PCDH9: variants seen among roughly 807,000 people sequenced by gnomAD.
PCDH9 encodes protocadherin 9.
A neutral mutation model predicts 70.6 loss-of-function variants in PCDH9; 24 were observed. That is an observed-to-expected ratio of 0.34 (90% CI 0.25 to 0.48). PCDH9 has a LOEUF of 0.48. PCDH9 is among the 20% of genes least tolerant of loss of function. The pLI, the probability that PCDH9 is intolerant of heterozygous loss-of-function variation, is 0.99. For synonymous variants in PCDH9, 562 were observed against 558.5 expected (o/e 1.01, Z -0.09); for missense variants, 1,281 against 1,503.6 (o/e 0.85, Z 2.45).
At chr13:66,494,998 G>T (rs1959090790) in intron 4 of PCDH9, among the ~76,000 whole-genome samples, 1 of 151,704 alleles carries the variant, frequency 6.6e-6, no homozygotes. Flanking sequence ...ACAGAGGAGA[G>T]GATGGAAGGA....
intron 4 of PCDH9, among the ~76,000 whole-genome samples, chr13:66,497,366 G>C (rs145063265): frequency 2.3e-3 from 347 of 152,052 alleles, no homozygotes; most frequent in African/African-American, 8.0e-3. Flanking sequence ...AAATATGTTA[G>C]ACTCATATCA....
intron 3 of PCDH9, among the ~76,000 whole-genome samples, chr13:66,843,709 C>G (rs145277792): frequency 2.0e-5 from 3 of 152,338 alleles, no homozygotes; most frequent in East Asian, 1.9e-4. Context: ...CTGGAGAAGA[C>G]TGCATGCTGA....
At chr13:66,318,419 T>C (rs1955693226) in intron 4 of PCDH9, among the ~76,000 whole-genome samples, 1 of 152,172 alleles carries the variant, frequency 6.6e-6, no homozygotes, top group Non-Finnish European at 1.5e-5. Context: ...GTTGCCATAT[T>C]TATCACAGAC....
chr13:66,406,578 T>C (rs1957284503), intron 4 of PCDH9, among the ~76,000 whole-genome samples: 1 of 152,184 alleles, frequency 6.6e-6, no homozygotes, highest in South Asian at 2.1e-4. Flanking sequence ...CTCAGAGAAT[T>C]TACTACACAT....
intron 3 of PCDH9, among the ~76,000 whole-genome samples, chr13:66,728,725 A>G (rs1455280183): frequency 6.6e-6 from 1 of 152,050 alleles, no homozygotes; most frequent in Non-Finnish European, 1.5e-5. Context: ...GTAGTAATCC[A>G]TTACTCTAAT....
At chr13:67,115,478 C>T (rs974992830) in intron 2 of PCDH9, among the ~76,000 whole-genome samples, 2 of 152,160 alleles carry the variant, frequency 1.3e-5, no homozygotes, top group Non-Finnish European at 2.9e-5. Flanking sequence ...TCAATGCAAT[C>T]CTTCTTTTGC....
intron 4 of PCDH9, among the ~76,000 whole-genome samples, chr13:66,391,395 A>G (rs1174640781): frequency 6.6e-6 from 1 of 152,222 alleles, no homozygotes; most frequent in Non-Finnish European, 1.5e-5. Flanking sequence ...GTTAAACTCT[A>G]CAAATGCTCT....
chr13:67,036,505 CA>C (rs2139897112), intron 2 of PCDH9, among the ~76,000 whole-genome samples: 1 of 152,274 alleles, frequency 6.6e-6, no homozygotes, highest in East Asian at 1.9e-4. Context: ...GCAACTGGAT[CA>C]AACTGCCATG....
At chr13:66,769,910 G>T (rs906959927) in intron 3 of PCDH9, among the ~76,000 whole-genome samples, 4 of 152,000 alleles carry the variant, frequency 2.6e-5, no homozygotes, top group African/African-American at 9.7e-5. Flanking sequence ...GCTCAGCAGG[G>T]GCAAGGCAGG....
chr13:66,401,366 C>A (rs1957184101), intron 4 of PCDH9, among the ~76,000 whole-genome samples: 1 of 151,900 alleles, frequency 6.6e-6, no homozygotes, highest in African/African-American at 2.4e-5. Context: ...TTTTTCCCCC[C>A]CTTTGCTCAT....
intron 2 of PCDH9, among the ~76,000 whole-genome samples, chr13:67,174,293 TGATAGATA>T (rs748357252): frequency 3.4e-5 from 5 of 149,030 alleles, no homozygotes; most frequent in Non-Finnish European, 6.0e-5. Context: ...GATAGACAGA[TGATAGATA>T]GATAGATAGA....
At position 66,379,007 on chromosome 13, in the gene PCDH9, A is replaced by T. The variant is rs558506039; in HGVS notation, c.3341-73979T>A. ...AAACTATGCAGCAACAGACACTTAGAATTTTCCACTGTATAGGCAATCCCT... is the reference window on the plus strand; with the variant it reads ...AAACTATGCAGCAACAGACACTTAGTATTTTCCACTGTATAGGCAATCCCT... On this transcript the variant is annotated intron_variant, in intron 4 of 4. Coordinates refer to ENST00000377865, the MANE Select transcript of PCDH9 (RefSeq NM_203487.3). Among the ~76,000 whole-genome samples the T allele has an allele frequency of 4.6e-5, 7 of 152,298 alleles. No individual in the cohort carries two copies. In the East Asian group the frequency reaches 1.4e-3, roughly 29 times the overall value.
intron 4 of PCDH9, among the ~76,000 whole-genome samples, chr13:66,319,166 G>C (rs1290061516): frequency 6.6e-6 from 1 of 152,006 alleles, no homozygotes; most frequent in Non-Finnish European, 1.5e-5. Flanking sequence ...AGTGTGTGTA[G>C]GAGGAAATTT....
intron 3 of PCDH9, among the ~76,000 whole-genome samples, chr13:66,807,380 T>A (rs1186937628): frequency 6.6e-6 from 1 of 152,162 alleles, no homozygotes; most frequent in Non-Finnish European, 1.5e-5. Context: ...TTCTTCAAAC[T>A]GAAAAATTTG....
intron 2 of PCDH9, among the ~76,000 whole-genome samples, chr13:66,905,006 T>C (rs2082337076): frequency 6.6e-6 from 1 of 152,046 alleles, no homozygotes. Flanking sequence ...CTAGCAACTC[T>C]TTTCATGCGT....
At chr13:66,868,700 T>C (rs908034254) in intron 3 of PCDH9, among the ~76,000 whole-genome samples, 7 of 152,128 alleles carry the variant, frequency 4.6e-5, no homozygotes, top group Non-Finnish European at 1.0e-4. Flanking sequence ...TAAAGTACAA[T>C]GATTAAGAGA....
chr13:67,035,902 T>C (rs1347396531), intron 2 of PCDH9, among the ~76,000 whole-genome samples: 1 of 152,130 alleles, frequency 6.6e-6, no homozygotes, highest in African/African-American at 2.4e-5. Context: ...CCTAAAAAGT[T>C]TTCATCTGGC....
chr13:66,542,943 A>G (rs74412894), intron 4 of PCDH9, among the ~76,000 whole-genome samples: 18,916 of 151,294 alleles, frequency 0.13, 1,418 homozygotes, highest in Middle Eastern at 0.24. Context: ...GAAATTTTCA[A>G]TATTTATAAC....
intron 2 of PCDH9, among the ~76,000 whole-genome samples, chr13:67,012,274 T>C (rs1293921570): frequency 7.3e-5 from 11 of 151,570 alleles, no homozygotes; most frequent in African/African-American, 2.4e-5. Context: ...TTATAAATTA[T>C]AAAAATTATA....
Sources: gnomAD v4.1 joint callset for allele counts (sites outside exome capture counted in the v4.1 genomes callset) on GRCh38, gnomAD v4.1.1 for gene constraint, MANE v1.5 for transcripts, NCBI Gene and HGNC (gene_info 2026-07-23, HGNC 2026-07-21) for gene names.